The following FAT3 variants were observed in gnomAD, a reference collection of about 807,000 sequenced individuals.
FAT3 encodes the protein FAT atypical cadherin 3.
FAT3 carries 95 observed loss-of-function variants against 310.2 expected under a neutral mutation model. That is an observed-to-expected ratio of 0.31 (90% CI 0.26 to 0.36). The LOEUF is 0.36. FAT3 is among the 10% of genes least tolerant of loss of function. FAT3 has a pLI of 1.00. For missense variants in FAT3, 5,408 were observed against 5,715.6 expected (o/e 0.95, Z 1.74); for synonymous variants, 2,314 against 2,192.9 (o/e 1.06, Z -1.54).
chr11:92,346,402 A>T (rs1948421505), intron 1 of FAT3, among the ~76,000 whole-genome samples: 1 of 152,046 alleles, frequency 6.6e-6, no homozygotes, highest in African/African-American at 2.4e-5. Context: ...TCAATTACAG[A>T]GCTCTGGCAA....
rs1272189193 is a variant in FAT3, at chr11:92,798,594, C to T, written c.5581C>T (p.Leu1861=). 6.2e-7 allele frequency: 1 copy of T among 1,613,862 alleles called. No individual in the cohort carries two copies. The highest frequency in any genetic ancestry group is 8.5e-7 in the Non-Finnish European group (1 of 1,179,858). ...VHVRDSGSPQ[L]TAESPVEVNI... ...TGTGAGAGACAGTGGTAGCCCCCAA[C>T]TGACTGCAGAGAGTCCCGTTGAAGT... Residue 1861 remains leucine, a synonymous_variant, in exon 10 of 28, where the codon CTG becomes TTG. Transcript: ENST00000525166.
At chr11:92,504,079 A>ATT (rs1016745709) in intron 2 of FAT3, among the ~76,000 whole-genome samples, 11 of 152,182 alleles carry the variant, frequency 7.2e-5, no homozygotes, top group Non-Finnish European at 1.6e-4. Flanking sequence ...ATTGTGAATT[A>ATT]TTATGTAATG....
rs2136452184 is a variant in FAT3, at chr11:92,891,232, C to G, written c.*119C>G. On this transcript the variant is annotated 3_prime_UTR_variant, in exon 28 of 28. Coordinates refer to ENST00000525166, the MANE Select transcript of FAT3 (RefSeq NM_001367949.2). The stretch of plus-strand genomic sequence containing the variant: ...GAGAAGGGAATACTGTATTTTTCCA[C>G]TAGAAACTTCTTCACAAGTCATACT... 7.7e-7 allele frequency: 1 copy of G among 1,305,078 alleles called. No homozygotes were observed. Among genetic ancestry groups the G allele is most frequent in the Admixed American group, 2.3e-5 (1 of 44,422 alleles). 80.8% of individuals were successfully genotyped at this position (1,305,078 alleles called of 1,614,324 possible).
chr11:92,471,886 A>G (rs1951913504), intron 2 of FAT3, among the ~76,000 whole-genome samples: 1 of 146,778 alleles, frequency 6.8e-6, no homozygotes, highest in Admixed American at 6.9e-5. Context: ...GAAAGGTAAA[A>G]GTCTTCAAAA....
intron 3 of FAT3, among the ~76,000 whole-genome samples, chr11:92,580,911 G>A (rs907253709): frequency 2.6e-5 from 4 of 151,418 alleles, no homozygotes; most frequent in African/African-American, 9.8e-5. Flanking sequence ...TTACAATTTA[G>A]CAGCCCAGGA....
intron 2 of FAT3, among the ~76,000 whole-genome samples, chr11:92,406,114 T>C (rs1341208820): frequency 1.3e-5 from 2 of 152,198 alleles, no homozygotes; most frequent in Non-Finnish European, 2.9e-5. Flanking sequence ...GTTCCTTATA[T>C]ATCCTTCCTA....
rs61901533 is a variant in FAT3, at chr11:92,437,857, G to A, written c.3292+82453G>A. ...AGTAGATTTCAATCATTAGTCTGGG[G>A]ATCAGCATGGGGGTCACTGATGGCT... On this transcript the variant is annotated intron_variant, in intron 2 of 27. Transcript: ENST00000525166. Among the ~76,000 whole-genome samples the A allele has an allele frequency of 9.7e-3, 1,483 of 152,266 alleles. 8 individuals are homozygous for A. Among genetic ancestry groups the A allele is most frequent in the Non-Finnish European group, 0.016 (1,082 of 68,024 alleles).
At chr11:92,308,788 A>C (rs1947207962) in intron 1 of FAT3, among the ~76,000 whole-genome samples, 2 of 152,022 alleles carry the variant, frequency 1.3e-5, no homozygotes, top group Admixed American at 1.3e-4. Flanking sequence ...ATCCTTTCTT[A>C]ATGTCTTAAA....
chr11:92,406,382 T>A (rs1284150915), intron 2 of FAT3, among the ~76,000 whole-genome samples: 1 of 152,208 alleles, frequency 6.6e-6, no homozygotes, highest in African/African-American at 2.4e-5. Context: ...TGATTCCTTG[T>A]GTTACCCCAG....
intron 3 of FAT3, among the ~76,000 whole-genome samples, chr11:92,534,168 G>T (rs1954170855): frequency 6.6e-6 from 1 of 152,068 alleles, no homozygotes; most frequent in Admixed American, 6.5e-5. Context: ...TATCAAGTAT[G>T]AAGGGATGGT....
intron 2 of FAT3, among the ~76,000 whole-genome samples, chr11:92,368,818 A>G (rs1444278662): frequency 1.3e-5 from 2 of 148,748 alleles, no homozygotes; most frequent in East Asian, 3.9e-4. Context: ...TAACAACAGT[A>G]TGTTTGTGTG....
chr11:92,769,163 T>C (rs1946397875), intron 6 of FAT3, among the ~76,000 whole-genome samples: 1 of 152,212 alleles, frequency 6.6e-6, no homozygotes, highest in Admixed American at 6.5e-5. Context: ...CACTTTCTTG[T>C]GCCTCCAAGG....
Position 92,832,024 on chromosome 11 carries a change from C to A in FAT3, c.9871+13C>A. On this transcript the variant is annotated intron_variant, in intron 14 of 27. Coordinates refer to ENST00000525166, the MANE Select transcript of FAT3 (RefSeq NM_001367949.2). The stretch of plus-strand genomic sequence containing the variant: ...AACCCCAAGACAGGTGGGTAAATAG[C>A]ACTGTACTTAGAATACAGAGCTTCA... The A allele has an allele frequency of 6.6e-7, 1 of 1,526,528 alleles. No homozygotes were observed. 94.6% of individuals were successfully genotyped at this position (1,526,528 alleles called of 1,614,324 possible).
At chr11:92,431,287 C>G (rs1258160513) in intron 2 of FAT3, among the ~76,000 whole-genome samples, 1 of 152,058 alleles carries the variant, frequency 6.6e-6, no homozygotes, top group Non-Finnish European at 1.5e-5. Flanking sequence ...TTTCATGTGT[C>G]TTTTGGCTGC....
At chr11:92,851,043 A>G (rs1179723379) in intron 19 of FAT3, among the ~76,000 whole-genome samples, 2 of 152,210 alleles carry the variant, frequency 1.3e-5, no homozygotes, top group Non-Finnish European at 2.9e-5. Context: ...AGGTGCATGA[A>G]AAAACACCTG....
intron 3 of FAT3, among the ~76,000 whole-genome samples, chr11:92,570,743 C>T (rs1252273212): frequency 6.6e-6 from 1 of 152,196 alleles, no homozygotes; most frequent in African/African-American, 2.4e-5. Flanking sequence ...TTGAAAAAGG[C>T]ACCATCCCTA....
At chr11:92,713,103 T>C (rs894295473) in intron 4 of FAT3, among the ~76,000 whole-genome samples, 1 of 152,148 alleles carries the variant, frequency 6.6e-6, no homozygotes, top group South Asian at 2.1e-4. Flanking sequence ...TGGTGAAAAA[T>C]ACAGCTTCTG....
At chr11:92,595,829 C>T (rs529477216) in intron 3 of FAT3, among the ~76,000 whole-genome samples, 11 of 152,278 alleles carry the variant, frequency 7.2e-5, no homozygotes, top group South Asian at 4.1e-4. Flanking sequence ...TCATGTTTTG[C>T]GGGAATAGTG....
chr11:92,442,388 C>T (rs1951096295), intron 2 of FAT3, among the ~76,000 whole-genome samples: 1 of 151,014 alleles, frequency 6.6e-6, no homozygotes, highest in African/African-American at 2.4e-5. Context: ...GCTGGGATTA[C>T]AGGCATGAGC....
Sources: allele counts gnomAD v4.1 joint callset (sites outside exome capture counted in the v4.1 genomes callset), GRCh38; gene constraint gnomAD v4.1.1; transcripts MANE v1.5; gene names NCBI Gene and HGNC (gene_info 2026-07-23, HGNC 2026-07-21).